The following ATAD3B variants were observed in gnomAD, a reference collection of about 807,000 sequenced individuals.
ATAD3B encodes the protein ATPase family AAA domain containing 3B.
Under a neutral mutation model 70.2 loss-of-function variants are expected in ATAD3B, and 59 were observed. The observed-to-expected ratio is 0.84, with a 90% CI of 0.68 to 1.04. The LOEUF (loss-of-function observed/expected upper bound fraction) is 1.04, where lower values mean the gene tolerates loss of function less well. Among genes scored for constraint, ATAD3B ranks in the 50% least tolerant of loss-of-function variants. The probability of loss-of-function intolerance (pLI) is 0.00; values close to 1 mark genes in which losing one functional copy is unlikely to be tolerated. For synonymous variants in ATAD3B, 423 were observed against 388.6 expected, an observed-to-expected ratio of 1.09 and a Z score of -1.04; for missense variants, 961 against 913.4, an observed-to-expected ratio of 1.05 and a Z score of -0.67.
intron 9 of ATAD3B, 65 bp from the exon 10 acceptor site, chr1:1,486,045 G>T: frequency 6.2e-7 from 1 of 1,610,052 alleles, no homozygotes; most frequent in Non-Finnish European, 8.5e-7. Context: ...CATTCCCGCA[G>T]CCCCTGTCAC....
rs767251223 is a variant in ATAD3B, at chr1:1,486,150, C to A, written c.1004C>A (p.Thr335Asn). The part of the protein sequence containing the change: ...EARVRDIAIA[T>N]RNTKKNRGLY... ...CGGGTGCGCGACATCGCCATAGCAA[C>A]CAGGAACACCAAGAAGAACCGGGGC... is the stretch of plus-strand genomic sequence containing the variant. Residue 335 changes from threonine to asparagine, a missense_variant, in exon 10 of 16, where the codon ACC (threonine) becomes AAC (asparagine). Thr to Asn is a moderately conservative substitution (Grantham distance 65). Around this residue, in one of 4 missense-constraint regions of ATAD3B, gnomAD observed 349 missense variants for 307.5 expected, o/e 1.14. Transcript: ENST00000673477. The A allele has an allele frequency of 1.2e-6, 2 of 1,613,264 alleles. No homozygotes were observed. Among genetic ancestry groups the A allele is most frequent in the Middle Eastern group, 1.6e-4 (1 of 6,062 alleles).
chr1:1,490,403 A>G lies in ATAD3B; in HGVS notation c.1484A>G (p.Lys495Arg). 6.2e-7 allele frequency: 1 copy of G among 1,613,418 alleles called. No individual in the cohort carries two copies. The highest frequency in any genetic ancestry group is 1.7e-5 in the Admixed American group (1 of 59,990). ...CTGCATTTTGACAACTGTGTTCTTA[A>G]GCCGGCCACAGAAGGAAAACGGTGA... The part of the protein sequence containing the change: ...VRLHFDNCVL[K>R]PATEGKRRLK... The change falls in exon 14 of 16, where the codon AAG becomes AGG. Residue 495 changes from lysine (K) to arginine (R), a missense_variant. By Grantham distance (26) the Lys-to-Arg change is conservative. Coordinates refer to ENST00000673477, the MANE Select transcript of ATAD3B (RefSeq NM_031921.6).
At position 1,496,336 on chromosome 1, in the gene ATAD3B, T is replaced by C. The variant is rs868423088; in HGVS notation, c.*519T>C. ...ATTTACTGATCACAGAGCGGTGTGC[T>C]TCACATCAGCCTCGCGCCACATCCG... On this transcript the variant is annotated 3_prime_UTR_variant, in exon 16 of 16. Coordinates refer to ENST00000673477, the MANE Select transcript of ATAD3B (RefSeq NM_031921.6). 1 of 806,764 alleles carries C rather than the reference T, an allele frequency of 1.2e-6. No individual in the cohort carries two copies. Among genetic ancestry groups the C allele is most frequent in the Non-Finnish European group, 1.5e-6 (1 of 666,376 alleles). The allele number at this position is 806,764 out of a possible 1,614,324, so 50.0% of individuals were successfully genotyped here.
chr1:1,472,658 G>A (rs1639390637), intron 1 of ATAD3B, among the ~76,000 whole-genome samples: 1 of 152,070 alleles, frequency 6.6e-6, no homozygotes, highest in Non-Finnish European at 1.5e-5. Context: ...CAGGGTGTGA[G>A]CACTGACTGC....
At chr1:1,481,763 T>C (rs1639914223) in intron 5 of ATAD3B, among the ~76,000 whole-genome samples, 1 of 151,454 alleles carries the variant, frequency 6.6e-6, no homozygotes, top group South Asian at 2.1e-4. Context: ...GGCCTCTGGG[T>C]CGGATTTCTG....
chr1:1,492,442 T>C (rs1194996942), intron 15 of ATAD3B, among the ~76,000 whole-genome samples: 1 of 151,618 alleles, frequency 6.6e-6, no homozygotes, highest in Non-Finnish European at 1.5e-5. Context: ...GCTGAGATCA[T>C]GCCACTGCAC....
At chr1:1,485,913 A>C in intron 9 of ATAD3B, 75 bp downstream of exon 9, 1 of 1,609,326 alleles carries the variant, frequency 6.2e-7, no homozygotes, top group Non-Finnish European at 8.5e-7. Flanking sequence ...GGCCCTTGCT[A>C]GCGCTCGTGG....
the ATAD3B span, among the ~76,000 whole-genome samples, chr1:1,504,803 C>T: frequency 3.9e-5 from 6 of 152,290 alleles, no homozygotes; most frequent in East Asian, 3.9e-4. Flanking sequence ...TTGCTGGGTC[C>T]TCATGTGGCG....
the ATAD3B span, chr1:1,503,411 G>A: frequency 1.5e-6 from 1 of 669,704 alleles, no homozygotes; most frequent in Non-Finnish European, 2.6e-6. Context: ...GTGTGCTGGG[G>A]ATGGGGCATC....
At chr1:1,474,191 T>G (rs528082696) in intron 1 of ATAD3B, among the ~76,000 whole-genome samples, 2 of 126,870 alleles carry the variant, frequency 1.6e-5, no homozygotes, top group African/African-American at 4.5e-5. Context: ...CTTTTTTCTT[T>G]TCTTTTTTTC....
At chr1:1,508,103 C>A in the ATAD3B span, among the ~76,000 whole-genome samples, 2 of 152,260 alleles carry the variant, frequency 1.3e-5, no homozygotes, top group Non-Finnish European at 2.9e-5. Context: ...TCGGGTGGAC[C>A]CTGAGGGTCC....
rs536966613 is a variant in ATAD3B at position 1,484,891 on chromosome 1, G to A, written c.751-125G>A. 80 of 1,440,342 alleles carry A rather than the reference G, an allele frequency of 5.6e-5. No individual in the cohort carries two copies. In the African/African-American group the frequency reaches 1.1e-3, roughly 19 times the overall value. The allele number at this position is 1,440,342 out of a possible 1,614,324, so 89.2% of individuals were successfully genotyped here. On this transcript the variant is annotated intron_variant, in intron 7 of 15. Transcript: ENST00000673477. ...GGGCTGGGAATTCGGGTTCCTGTGG[G>A]GCCAGCACACGGCCCTGTGCTTCTC...
intron 7 of ATAD3B, 168 bp from the exon 8 acceptor site, chr1:1,484,848 G>A (rs931938080): frequency 7.8e-6 from 11 of 1,406,812 alleles, no homozygotes; most frequent in South Asian, 4.5e-5. Flanking sequence ...TCCTGTAACC[G>A]CGTGGCTGTG....
chr1:1,479,838 G>T (rs1570214263), intron 4 of ATAD3B, among the ~76,000 whole-genome samples: 1 of 124,198 alleles, frequency 8.1e-6, no homozygotes, highest in South Asian at 2.8e-4. Context: ...CTTCACACAG[G>T]CACACACCGC....
At chr1:1,503,808 A>G in the ATAD3B span, 19 of 1,243,074 alleles carry the variant, frequency 1.5e-5, no homozygotes, top group South Asian at 2.6e-4. Context: ...GCCTCATTTC[A>G]CAGAAGGAAA....
downstream of ATAD3B, among the ~76,000 whole-genome samples, chr1:1,498,381 C>G (rs1351307302): frequency 1.3e-5 from 2 of 151,852 alleles, no homozygotes; most frequent in Non-Finnish European, 2.9e-5. Flanking sequence ...AGGAGGATCG[C>G]CTGAGCATGG....
the ATAD3B span, among the ~76,000 whole-genome samples, chr1:1,504,945 T>C: frequency 6.6e-6 from 1 of 152,002 alleles, no homozygotes; most frequent in African/African-American, 2.4e-5. Flanking sequence ...TGTGTGTGTG[T>C]GTGTGCGCGC....
intron 10 of ATAD3B, 136 bp from the exon 11 acceptor site, chr1:1,486,408 G>A (rs1261926456): frequency 1.9e-6 from 3 of 1,591,304 alleles, no homozygotes; most frequent in Non-Finnish European, 1.7e-6. Flanking sequence ...TCCAGGCGGG[G>A]GACGTCTCCT....
At chr1:1,499,231 A>G (rs1640888123), downstream of ATAD3B, among the ~76,000 whole-genome samples, 2 of 149,984 alleles carry the variant, frequency 1.3e-5, no homozygotes, top group African/African-American at 4.9e-5. Context: ...TCGACCTCCC[A>G]AAGTGCTGGG....
Sources: allele counts gnomAD v4.1 joint callset (sites outside exome capture counted in the v4.1 genomes callset), GRCh38; gene constraint gnomAD v4.1.1; regional missense constraint gnomAD v4.1.1; transcripts MANE v1.5; gene names NCBI Gene and HGNC (gene_info 2026-07-23, HGNC 2026-07-21).